The following ROBO2 variants were observed in gnomAD, a reference collection of about 807,000 sequenced individuals.
ROBO2 encodes the protein roundabout guidance receptor 2.
In ROBO2, 53 loss-of-function variants were observed where a neutral mutation model predicts 160.8. The observed-to-expected ratio is 0.33, with a 90% CI of 0.26 to 0.41. The LOEUF (loss-of-function observed/expected upper bound fraction) is 0.41. ROBO2 is among the 10% of genes least tolerant of loss of function. ROBO2 has a pLI of 1.00. For missense variants in ROBO2, 1,577 were observed against 1,722.4 expected (o/e 0.92, Z 1.49); for synonymous variants, 664 against 611.7 (o/e 1.09, Z -1.26).
At chr3:76,577,192 A>G (rs924660178) in intron 2 of ROBO2, among the ~76,000 whole-genome samples, 2 of 152,130 alleles carry the variant, frequency 1.3e-5, no homozygotes. Context: ...ATGTTGCTAC[A>G]TGGTATCTTT....
At chr3:76,733,335 G>A (rs2093664384) in intron 2 of ROBO2, among the ~76,000 whole-genome samples, 1 of 152,078 alleles carries the variant, frequency 6.6e-6, no homozygotes, top group Non-Finnish European at 1.5e-5. Flanking sequence ...TGACTCTCAG[G>A]GATATTCCTG....
intron 2 of ROBO2, among the ~76,000 whole-genome samples, chr3:76,444,939 A>G (rs1046472220): frequency 5.9e-5 from 9 of 152,198 alleles, no homozygotes; most frequent in African/African-American, 2.2e-4. Context: ...CAGGCATTCA[A>G]TAAACTCCAT....
chr3:77,517,803 G>T (rs1367820297), intron 5 of ROBO2, among the ~76,000 whole-genome samples: 4 of 151,166 alleles, frequency 2.6e-5, no homozygotes, highest in Non-Finnish European at 5.9e-5. Flanking sequence ...TCACACCTTT[G>T]TCCAGCATAT....
At chr3:77,030,412 T>A (rs1403171546) in intron 2 of ROBO2, among the ~76,000 whole-genome samples, 1 of 152,254 alleles carries the variant, frequency 6.6e-6, no homozygotes, top group Non-Finnish European at 1.5e-5. Flanking sequence ...TTCCAAGAAT[T>A]CTACTAATTT....
At chr3:76,526,645 A>G (rs1400587084) in intron 2 of ROBO2, among the ~76,000 whole-genome samples, 1 of 151,906 alleles carries the variant, frequency 6.6e-6, no homozygotes, top group Non-Finnish European at 1.5e-5. Context: ...CTATAGGTTA[A>G]TTTTCTCTCC....
chr3:76,007,589 A>G (rs1309284571), intron 2 of ROBO2, among the ~76,000 whole-genome samples: 1 of 152,194 alleles, frequency 6.6e-6, no homozygotes, highest in Non-Finnish European at 1.5e-5. Flanking sequence ...AATGAAATCC[A>G]GAAGTAAATG....
intron 2 of ROBO2, among the ~76,000 whole-genome samples, chr3:76,041,939 C>T (rs2067286597): frequency 1.3e-5 from 2 of 150,196 alleles, no homozygotes; most frequent in African/African-American, 2.5e-5. Flanking sequence ...AATCTCAGAA[C>T]TGACAGCACC....
At chr3:77,175,420 G>A (rs144468770) in intron 2 of ROBO2, among the ~76,000 whole-genome samples, 89 of 152,120 alleles carry the variant, frequency 5.9e-4, no homozygotes, top group African/African-American at 2.1e-3. Flanking sequence ...TGATAATGTA[G>A]AGGTCCTTAA....
chr3:76,696,815 G>A (rs930715324), intron 2 of ROBO2, among the ~76,000 whole-genome samples: 1 of 152,120 alleles, frequency 6.6e-6, no homozygotes, highest in African/African-American at 2.4e-5. Flanking sequence ...AGTTTCAATT[G>A]TCACAAGGGA....
chr3:76,425,634 G>A (rs1046579110), intron 2 of ROBO2, among the ~76,000 whole-genome samples: 1 of 151,790 alleles, frequency 6.6e-6, no homozygotes, highest in Non-Finnish European at 1.5e-5. Flanking sequence ...CCAAATTAGT[G>A]AACTCTATTC....
At chr3:76,182,147 A>G (rs1438003000) in intron 2 of ROBO2, among the ~76,000 whole-genome samples, 3 of 152,162 alleles carry the variant, frequency 2.0e-5, no homozygotes, top group East Asian at 1.9e-4. Flanking sequence ...TATATTTTCA[A>G]TGAAAAGAAA....
chr3:76,820,377 A>G (rs1034939451), intron 2 of ROBO2, among the ~76,000 whole-genome samples: 6 of 152,034 alleles, frequency 3.9e-5, no homozygotes, highest in African/African-American at 1.4e-4. Context: ...TTTTAAATAT[A>G]GAGGAGTCTG....
At chr3:76,661,759 CAATAGATGGT>C (rs1395494102) in intron 2 of ROBO2, among the ~76,000 whole-genome samples, 1 of 151,986 alleles carries the variant, frequency 6.6e-6, no homozygotes, top group African/African-American at 2.4e-5. Flanking sequence ...GCTTCAGAGG[CAATAGATGGT>C]AAAGGTCTTC....
At chr3:76,206,723 A>T (rs17788458) in intron 2 of ROBO2, among the ~76,000 whole-genome samples, 3 of 151,120 alleles carry the variant, frequency 2.0e-5, no homozygotes, top group Non-Finnish European at 4.4e-5. Flanking sequence ...TCATCTTGGA[A>T]GATATGCTTC....
chr3:77,120,782 T>C (rs1240429634), intron 2 of ROBO2, among the ~76,000 whole-genome samples: 2 of 152,122 alleles, frequency 1.3e-5, no homozygotes, highest in African/African-American at 4.8e-5. Flanking sequence ...TGAGCAGCTT[T>C]ATACTGAGCA....
rs192099397 is a variant in ROBO2, at chr3:76,136,856, C to T, written c.109+199254C>T. The stretch of plus-strand genomic sequence containing the variant: ...AATCATATTCTAGCTTTCCAGTCAC[C>T]GTCACAAAAATGATCATGTACAGAA... On this transcript the variant is annotated intron_variant, in intron 2 of 26. Coordinates refer to the ROBO2 transcript ENST00000487694. Among the ~76,000 whole-genome samples, 159 of 151,966 alleles carry T rather than the reference C, an allele frequency of 1.0e-3. 1 individual carries two copies. The highest frequency in any genetic ancestry group is 3.4e-3 in the African/African-American group (140 of 41,500).
intron 2 of ROBO2, among the ~76,000 whole-genome samples, chr3:76,171,714 A>G (rs1181702048): frequency 6.6e-6 from 1 of 152,128 alleles, no homozygotes; most frequent in Admixed American, 6.6e-5. Context: ...TAGGAGAATC[A>G]GCAAAAGAGG....
At chr3:76,892,751 G>A (rs2074446679) in intron 2 of ROBO2, among the ~76,000 whole-genome samples, 1 of 152,130 alleles carries the variant, frequency 6.6e-6, no homozygotes, top group Non-Finnish European at 1.5e-5. Flanking sequence ...CATAACCAAT[G>A]ATCTCCAATA....
intron 2 of ROBO2, among the ~76,000 whole-genome samples, chr3:77,212,739 G>A (rs1198349442): frequency 4.6e-5 from 7 of 152,096 alleles, no homozygotes; most frequent in Non-Finnish European, 1.0e-4. Context: ...ATTATTTTGA[G>A]ATACATCCCA....
Sources: gnomAD v4.1 joint callset for allele counts (sites outside exome capture counted in the v4.1 genomes callset) on GRCh38, gnomAD v4.1.1 for gene constraint, MANE v1.5 for transcripts, NCBI Gene and HGNC (gene_info 2026-07-23, HGNC 2026-07-21) for gene names.